SLC1A6: variants seen among roughly 807,000 people sequenced by gnomAD.
SLC1A6 encodes the protein solute carrier family 1 member 6, also known as excitatory amino acid transporter 4.
In SLC1A6, 15 loss-of-function variants were observed where a neutral mutation model predicts 42.1. The observed-to-expected ratio is 0.36, with a 90% CI of 0.24 to 0.55. The LOEUF is 0.55. Ranked by LOEUF, SLC1A6 falls within the 20% of genes least tolerant of loss-of-function variation. The probability of loss-of-function intolerance (pLI) is 0.88; values close to 1 mark genes in which losing one functional copy is unlikely to be tolerated. For missense variants in SLC1A6, 542 were observed against 772.5 expected (o/e 0.70, Z 3.54); for synonymous variants, 317 against 319.7 (o/e 0.99, Z 0.09).
At chr19:14,995,523 A>T (rs4808809) in intron 1 of SLC1A6, among the ~76,000 whole-genome samples, 1 of 151,716 alleles carries the variant, frequency 6.6e-6, no homozygotes, top group East Asian at 1.9e-4. Flanking sequence ...CAGCATGGTT[A>T]CCCTATTCTC....
intron 5 of SLC1A6, among the ~76,000 whole-genome samples, chr19:14,963,643 G>A (rs1303392108): frequency 6.6e-6 from 1 of 152,058 alleles, no homozygotes; most frequent in Non-Finnish European, 1.5e-5. Flanking sequence ...ATAAATGAAT[G>A]AGGAAGTGAA....
At chr19:14,983,719 CAA>C (rs56657572), upstream of SLC1A6, among the ~76,000 whole-genome samples, 10 of 52,282 alleles carry the variant, frequency 1.9e-4, no homozygotes, top group East Asian at 6.3e-4. Flanking sequence ...ACAACAACAC[CAA>C]AAAAAAAAAA....
intron 1 of SLC1A6, among the ~76,000 whole-genome samples, chr19:15,000,289 T>C (rs1024181642): frequency 2.6e-5 from 4 of 152,204 alleles, no homozygotes; most frequent in Admixed American, 1.3e-4. Flanking sequence ...TTAACTATAG[T>C]TGCCACGATG....
upstream of SLC1A6, among the ~76,000 whole-genome samples, chr19:14,980,717 G>A (rs141652435): frequency 8.8e-3 from 1,324 of 150,950 alleles, 11 homozygotes; most frequent in South Asian, 0.013. Context: ...TGTTGTTGAT[G>A]AAGTGTTGAT....
intron 3 of SLC1A6, among the ~76,000 whole-genome samples, chr19:14,970,084 A>AT (rs1443163167): frequency 1.3e-5 from 2 of 151,940 alleles, no homozygotes; most frequent in African/African-American, 2.4e-5. Context: ...CTTCCTTATC[A>AT]TTTTTTTAAT....
chr19:14,972,008 G>C (rs2045645954), intron 2 of SLC1A6, 134 bp from the exon 3 acceptor site: 1 of 767,040 alleles, frequency 1.3e-6, no homozygotes, highest in Non-Finnish European at 2.1e-6. Context: ...GTGTATTTGT[G>C]TGTGCACTGA....
Position 14,974,381 on chromosome 19 carries a change from T to C in SLC1A6, c.-7-1464A>G, listed in dbSNP as rs1479487579. On this transcript the variant is annotated intron_variant, in intron 1 of 9. Coordinates refer to ENST00000594383, the MANE Select transcript of SLC1A6 (RefSeq NM_005071.3). The stretch of plus-strand genomic sequence containing the variant: ...CAAAATAAAAATAAATAAATACTTT[T>C]AAAATTAAAATTAAAAATGTATCTA... 2 of 152,018 alleles carry C rather than the reference T, an allele frequency of 1.3e-5. 1 individual carries two copies. Among genetic ancestry groups the C allele is most frequent in the Admixed American group, 1.3e-4 (2 of 15,250 alleles). 9.4% of individuals were successfully genotyped at this position (152,018 alleles called of 1,614,324 possible).
chr19:14,998,295 C>T (rs1420671086), intron 1 of SLC1A6, among the ~76,000 whole-genome samples: 1 of 152,136 alleles, frequency 6.6e-6, no homozygotes. Context: ...AATCCCAGCA[C>T]TTTGGGAGGC....
At chr19:14,993,691 T>C (rs4808132) in intron 1 of SLC1A6, among the ~76,000 whole-genome samples, 71,395 of 152,018 alleles carry the variant, frequency 0.47, 17,213 homozygotes, top group Non-Finnish European at 0.5. Flanking sequence ...AGGACATGCA[T>C]TGCAAGGATG....
intron 7 of SLC1A6, 117 bp from the exon 8 acceptor site, chr19:14,954,446 G>A (rs751561039): frequency 5.3e-5 from 48 of 912,708 alleles, no homozygotes; most frequent in Non-Finnish European, 7.7e-5. Context: ...AGAAAGGCTG[G>A]GGAACAGGGC....
chr19:14,950,508 A>G (rs2045400882), intron 9 of SLC1A6, 118 bp from the exon 10 acceptor site: 9 of 605,434 alleles, frequency 1.5e-5, no homozygotes, highest in Non-Finnish European at 2.2e-5. Context: ...TTGCAGTACA[A>G]TCCATGACCA....
rs199883217 is a variant in SLC1A6 at position 14,962,240 on chromosome 19, C to T, written c.697G>A (p.Gly233Arg). The change falls in exon 6 of 10, where the codon GGA becomes AGA. Residue 233 changes from glycine to arginine, a missense_variant. Transcript: ENST00000594383. ...SMPPPFSVEN[G>R]TSFLENVTRA... The stretch of plus-strand genomic sequence containing the variant: ...GTGACATTTTCCAGGAAGCTGGTTC[C>T]GTTCTCCACTGAGAATGGAGGAGGC... 89 of 1,614,034 alleles carry T rather than the reference C, an allele frequency of 5.5e-5. No individual in the cohort carries two copies. The highest frequency in any genetic ancestry group is 5.0e-5 in the Admixed American group (3 of 60,000).
chr19:15,004,539 C>CAAAAAAAAAAA (rs148218390), intron 1 of SLC1A6, among the ~76,000 whole-genome samples: 2 of 120,498 alleles, frequency 1.7e-5, no homozygotes, highest in African/African-American at 6.5e-5. Context: ...CTCACCTCTA[C>CAAAAAAAAAAA]AAAAAAAAAA....
At chr19:15,002,060 C>T (rs932763246) in intron 1 of SLC1A6, among the ~76,000 whole-genome samples, 1 of 152,170 alleles carries the variant, frequency 6.6e-6, no homozygotes. Flanking sequence ...ACCTGATGCA[C>T]ACGCTATTTC....
At chr19:14,967,943 T>C (rs1207541169) in intron 4 of SLC1A6, among the ~76,000 whole-genome samples, 1 of 152,202 alleles carries the variant, frequency 6.6e-6, no homozygotes, top group Non-Finnish European at 1.5e-5. Flanking sequence ...TGAAAAGACC[T>C]TTTGATGTAT....
chr19:14,986,967 A>G (rs2045795885), intron 1 of SLC1A6, among the ~76,000 whole-genome samples: 1 of 152,198 alleles, frequency 6.6e-6, no homozygotes, highest in Non-Finnish European at 1.5e-5. Flanking sequence ...TCACGCTTAC[A>G]TGATAGACAC....
At chr19:14,983,488 C>G (rs2045777715), upstream of SLC1A6, among the ~76,000 whole-genome samples, 1 of 151,746 alleles carries the variant, frequency 6.6e-6, no homozygotes, top group Non-Finnish European at 1.5e-5. Context: ...GAGTTTGAGA[C>G]CAGCCTGAGC....
chr19:14,970,750 C>T (rs2045630736), intron 3 of SLC1A6, among the ~76,000 whole-genome samples: 1 of 151,632 alleles, frequency 6.6e-6, no homozygotes, highest in Admixed American at 6.6e-5. Context: ...TTACAGCATA[C>T]AAAATATGAG....
At chr19:15,003,253 CA>C (rs2045880659) in intron 1 of SLC1A6, among the ~76,000 whole-genome samples, 1 of 152,186 alleles carries the variant, frequency 6.6e-6, no homozygotes, top group South Asian at 2.1e-4. Context: ...GCTGGGATTA[CA>C]GGCATAAGCC....
Sources: allele counts gnomAD v4.1 joint callset (sites outside exome capture counted in the v4.1 genomes callset), GRCh38; gene constraint gnomAD v4.1.1; transcripts MANE v1.5; gene names NCBI Gene and HGNC (gene_info 2026-07-23, HGNC 2026-07-21).